Variants in CYRIB observed in about 807,000 individuals in gnomAD.
CYRIB encodes CYFIP-related Rac1 interactor B.
In CYRIB, 8 loss-of-function variants were observed where a neutral mutation model predicts 44.2. That is an observed-to-expected ratio of 0.18 (90% CI 0.11 to 0.33). The LOEUF (loss-of-function observed/expected upper bound fraction) is 0.33, where lower values mean the gene tolerates loss of function less well. Ranked by LOEUF, CYRIB falls within the 10% of genes least tolerant of loss-of-function variation. The pLI is 1.00. For missense variants in CYRIB, 185 were observed against 382.8 expected (o/e 0.48, Z 4.31); for synonymous variants, 131 against 127.2 (o/e 1.03, Z -0.20).
chr8:129,840,939 A>C (rs1349166399), exon 12 of CYRIB: 1 of 152,240 alleles, frequency 6.6e-6, no homozygotes, highest in African/African-American at 2.4e-5. Context: ...TACCTCGGAT[A>C]TTCCTAAATA....
intron 1 of CYRIB, among the ~76,000 whole-genome samples, chr8:129,932,060 G>A (rs1276757942): frequency 5.0e-5 from 7 of 140,760 alleles, no homozygotes; most frequent in Admixed American, 7.2e-5. Context: ...GTGCAGTGGC[G>A]CAATCTCGGC....
At chr8:129,885,821 CT>C (rs1292000374) in intron 2 of CYRIB, among the ~76,000 whole-genome samples, 1 of 151,980 alleles carries the variant, frequency 6.6e-6, no homozygotes, top group East Asian at 1.9e-4. Flanking sequence ...AAAAAAAATT[CT>C]TACCTTTCTC....
intron 9 of CYRIB, 25 bp downstream of exon 11, chr8:129,850,810 G>A (rs2042884902): frequency 6.4e-7 from 1 of 1,554,878 alleles, no homozygotes; most frequent in East Asian, 2.2e-5. Flanking sequence ...CACTGTTAAA[G>A]TGAAAAAGAT....
At chr8:129,887,325 G>A (rs1261141401) in intron 2 of CYRIB, among the ~76,000 whole-genome samples, 1 of 152,218 alleles carries the variant, frequency 6.6e-6, no homozygotes, top group African/African-American at 2.4e-5. Flanking sequence ...AGGCCTGCAG[G>A]TGTGCAGACA....
At chr8:129,921,374 T>A (rs1240384026) in intron 1 of CYRIB, among the ~76,000 whole-genome samples, 1 of 152,222 alleles carries the variant, frequency 6.6e-6, no homozygotes, top group Non-Finnish European at 1.5e-5. Flanking sequence ...TTAACAGCCA[T>A]TATTTGAGTG....
chr8:129,996,841 C>T (rs1378222470), intron 1 of CYRIB, among the ~76,000 whole-genome samples: 1 of 151,890 alleles, frequency 6.6e-6, no homozygotes. Context: ...AAGATAGAAG[C>T]CTGTGATTAA....
At chr8:129,909,946 C>G (rs2077127753) in intron 1 of CYRIB, among the ~76,000 whole-genome samples, 1 of 152,198 alleles carries the variant, frequency 6.6e-6, no homozygotes, top group African/African-American at 2.4e-5. Context: ...AATGAGACTA[C>G]CAGATCAGTT....
In CYRIB at chr8:129,920,486, T is replaced by C. The variant is rs996043799; in HGVS notation, c.-49-17136A>G. Among the ~76,000 whole-genome samples, 6 of 152,286 alleles carry C rather than the reference T, an allele frequency of 3.9e-5. No individual in the cohort carries two copies. The East Asian group carries it at 9.6e-4, about 24-fold the overall frequency. ...ATTCAGTATTTTCAGATTTTGGCTA[T>C]TTCTTTATTTCCTAGACTTAAACAT... On this transcript the variant is annotated intron_variant, in intron 1 of 11. Coordinates refer to ENST00000519824, the Ensembl canonical transcript of CYRIB.
At chr8:129,924,800 T>TA (rs2086464212) in intron 1 of CYRIB, among the ~76,000 whole-genome samples, 2 of 151,822 alleles carry the variant, frequency 1.3e-5, no homozygotes, top group Admixed American at 1.3e-4. Context: ...AACCCGTCTC[T>TA]ACAAAAAAAT....
intron 1 of CYRIB, among the ~76,000 whole-genome samples, chr8:129,928,838 T>C (rs1172719331): frequency 6.6e-6 from 1 of 152,200 alleles, no homozygotes; most frequent in African/African-American, 2.4e-5. Flanking sequence ...GAAATCCTCA[T>C]ACACTACTGG....
chr8:129,880,380 A>G, intron 2 of CYRIB: 1 of 985,820 alleles, frequency 1.0e-6, no homozygotes, highest in Non-Finnish European at 1.2e-6. Flanking sequence ...ACTTACTTTC[A>G]AAGTCCAAGA....
At chr8:129,871,315 A>C in intron 4 of CYRIB, 60 bp downstream of exon 6, 20 of 1,544,016 alleles carry the variant, frequency 1.3e-5, no homozygotes, top group Non-Finnish European at 1.7e-5. Context: ...AAAACAAGAG[A>C]TTACAAAGAG....
At chr8:129,944,718 G>A (rs1233535151), upstream of CYRIB, among the ~76,000 whole-genome samples, 3 of 151,988 alleles carry the variant, frequency 2.0e-5, no homozygotes, top group Non-Finnish European at 2.9e-5. Flanking sequence ...AGGAGGCAGA[G>A]GTCGCAGTGA....
At chr8:129,977,722 T>C (rs569177990) in intron 1 of CYRIB, among the ~76,000 whole-genome samples, 366 of 152,098 alleles carry the variant, frequency 2.4e-3, no homozygotes, top group South Asian at 3.7e-3. Flanking sequence ...TTAGTAGAGA[T>C]GGGGTTTCAC....
intron 2 of CYRIB, among the ~76,000 whole-genome samples, chr8:129,884,806 C>A (rs1386307512): frequency 6.6e-6 from 1 of 152,086 alleles, no homozygotes. Context: ...AGATTTAATA[C>A]ACAGAAACCA....
chr8:129,878,855 A>AT (rs143814179), intron 3 of CYRIB, among the ~76,000 whole-genome samples: 1 of 152,082 alleles, frequency 6.6e-6, no homozygotes, highest in Non-Finnish European at 1.5e-5. Context: ...AATACATTCT[A>AT]TTTTTTTAAC....
At chr8:130,006,933 G>C (rs2134213398) in intron 1 of CYRIB, among the ~76,000 whole-genome samples, 1 of 151,732 alleles carries the variant, frequency 6.6e-6, no homozygotes, top group South Asian at 2.1e-4. Flanking sequence ...AGAGTGTATG[G>C]TCTCAGGACC....
At chr8:129,984,837 C>T (rs1399110920) in intron 1 of CYRIB, among the ~76,000 whole-genome samples, 2 of 152,046 alleles carry the variant, frequency 1.3e-5, no homozygotes, top group South Asian at 2.1e-4. Flanking sequence ...TGCAATGGCG[C>T]GATTTCAGCT....
At chr8:129,894,165 T>C (rs1165594150) in intron 2 of CYRIB, among the ~76,000 whole-genome samples, 1 of 152,236 alleles carries the variant, frequency 6.6e-6, no homozygotes, top group African/African-American at 2.4e-5. Context: ...CTTAAGCTCA[T>C]GTACAAGAGT....
Sources: gnomAD v4.1 joint callset for allele counts (sites outside exome capture counted in the v4.1 genomes callset) on GRCh38, gnomAD v4.1.1 for gene constraint, MANE v1.5 for transcripts, NCBI Gene and HGNC (gene_info 2026-07-23, HGNC 2026-07-21) for gene names.